Variants in DLC1 observed in about 807,000 individuals in gnomAD.
DLC1 encodes the protein DLC1 Rho GTPase activating protein, also known as rho GTPase-activating protein 7.
In DLC1, 54 loss-of-function variants were observed where a neutral mutation model predicts 140.3. The observed-to-expected ratio is 0.38, with a 90% CI of 0.31 to 0.48. DLC1 has a LOEUF of 0.48. DLC1 is among the 20% of genes least tolerant of loss of function. The probability of loss-of-function intolerance (pLI) is 0.96; values close to 1 mark genes in which losing one functional copy is unlikely to be tolerated. For synonymous variants in DLC1, 986 were observed against 728.1 expected (o/e 1.35, Z -5.70); for missense variants, 2,536 against 1,907.0 (o/e 1.33, Z -6.14).
chr8:13,092,951 T>C, intron 12 of DLC1, 126 bp from the exon 13 acceptor site: 1 of 1,021,924 alleles, frequency 9.8e-7, no homozygotes, highest in South Asian at 1.6e-5. Flanking sequence ...TTGTAGAAAG[T>C]GCACTAGAGG....
At chr8:13,453,426 G>GTA (rs1185667826) in intron 2 of DLC1, among the ~76,000 whole-genome samples, 267 of 12,046 alleles carry the variant, frequency 0.022, 7 homozygotes, top group South Asian at 0.077. Context: ...ATATATATGT[G>GTA]TATATATATA....
At chr8:13,278,614 G>C (rs1428353602) in intron 5 of DLC1, among the ~76,000 whole-genome samples, 1 of 152,156 alleles carries the variant, frequency 6.6e-6, no homozygotes, top group Non-Finnish European at 1.5e-5. Context: ...CTCCTCCTAG[G>C]CACTGATCTC....
At chr8:13,321,622 G>T (rs541649406) in intron 4 of DLC1, among the ~76,000 whole-genome samples, 9 of 147,154 alleles carry the variant, frequency 6.1e-5, no homozygotes, top group African/African-American at 2.2e-4. Context: ...CCAATGTAAT[G>T]AAGCCTTGTC....
chr8:13,485,290 G>T (rs1323492416), intron 2 of DLC1, among the ~76,000 whole-genome samples: 9 of 152,020 alleles, frequency 5.9e-5, no homozygotes, highest in Admixed American at 5.9e-4. Context: ...CACAATACTT[G>T]GTTTTATTCA....
chr8:13,569,736 T>C (rs1291039875), intron 1 of DLC1, among the ~76,000 whole-genome samples: 6 of 152,230 alleles, frequency 3.9e-5, no homozygotes, highest in Non-Finnish European at 7.3e-5. Context: ...ACTTATTTAT[T>C]ATTGAGACAG....
chr8:13,143,783 G>T (rs1220665505), intron 5 of DLC1, among the ~76,000 whole-genome samples: 1 of 146,826 alleles, frequency 6.8e-6, no homozygotes, highest in Non-Finnish European at 1.5e-5. Flanking sequence ...TTGCCCTGAG[G>T]CCCTGATGTT....
intron 2 of DLC1, among the ~76,000 whole-genome samples, chr8:13,449,834 G>A (rs1192717609): frequency 6.6e-6 from 1 of 151,936 alleles, no homozygotes; most frequent in Non-Finnish European, 1.5e-5. Context: ...AAAATCCTGT[G>A]TTTCCATTTT....
intron 5 of DLC1, among the ~76,000 whole-genome samples, chr8:13,244,712 G>T (rs1829687722): frequency 6.6e-6 from 1 of 152,044 alleles, no homozygotes; most frequent in African/African-American, 2.4e-5. Context: ...TTCTTCATCT[G>T]ATGGACTCTC....
chr8:13,293,216 C>T (rs553197237), intron 5 of DLC1, among the ~76,000 whole-genome samples: 27 of 152,060 alleles, frequency 1.8e-4, no homozygotes, highest in South Asian at 6.3e-4. Context: ...GGCAACAGAG[C>T]GTGAACCTGT....
rs890016188 is a variant in DLC1, at chr8:13,478,957, A to G, written c.1023+20092T>C. Reference sequence around the variant, plus strand: ...TCAAATGTCAGTTTTCTTCTGGTCTACTTGGGTCTATGCATAGCATTTGAG... The same window carrying G: ...TCAAATGTCAGTTTTCTTCTGGTCTGCTTGGGTCTATGCATAGCATTTGAG... On this transcript the variant is annotated intron_variant, in intron 2 of 17. Transcript: ENST00000276297. Among the ~76,000 whole-genome samples, 4 of 152,198 alleles carry G rather than the reference A, an allele frequency of 2.6e-5. No individual in the cohort carries two copies. In the South Asian group the frequency reaches 8.3e-4, roughly 32 times the overall value.
chr8:13,140,223 T>C (rs545187150), intron 5 of DLC1, among the ~76,000 whole-genome samples: 1 of 152,196 alleles, frequency 6.6e-6, no homozygotes, highest in South Asian at 2.1e-4. Context: ...AGTTTATATC[T>C]ATATCTATAT....
intron 2 of DLC1, among the ~76,000 whole-genome samples, chr8:13,426,745 G>C (rs1056053418): frequency 6.6e-6 from 1 of 151,818 alleles, no homozygotes; most frequent in African/African-American, 2.4e-5. Context: ...TTTCCTCAGG[G>C]TTCCTGTGTT....
chr8:13,155,333 A>G (rs1824173681), intron 5 of DLC1, among the ~76,000 whole-genome samples: 1 of 150,662 alleles, frequency 6.6e-6, no homozygotes, highest in East Asian at 2.0e-4. Context: ...TGGTGAGCAC[A>G]TGACAAAACC....
chr8:13,524,698 A>G (rs1802867241), intron 1 of DLC1, among the ~76,000 whole-genome samples: 2 of 140,272 alleles, frequency 1.4e-5, no homozygotes, highest in Admixed American at 1.4e-4. Context: ...CAGGTAGTAT[A>G]TTTCTGTTGT....
intron 7 of DLC1, among the ~76,000 whole-genome samples, chr8:13,103,371 T>C (rs1819270423): frequency 6.6e-6 from 1 of 151,844 alleles, no homozygotes; most frequent in African/African-American, 2.4e-5. Flanking sequence ...CCTTTATGTT[T>C]TGTAAGTTTT....
intron 1 of DLC1, among the ~76,000 whole-genome samples, chr8:13,599,305 A>G (rs1370711549): frequency 1.3e-5 from 2 of 152,114 alleles, no homozygotes; most frequent in Middle Eastern, 3.4e-3. Context: ...GAACATTTGG[A>G]TAAAATGCAT....
At chr8:13,125,335 C>T (rs1428923795) in intron 5 of DLC1, among the ~76,000 whole-genome samples, 1 of 152,210 alleles carries the variant, frequency 6.6e-6, no homozygotes, top group Non-Finnish European at 1.5e-5. Flanking sequence ...GTATTCATAT[C>T]ATAGACAACA....
At chr8:13,342,646 C>G (rs1452826389) in intron 4 of DLC1, 3 of 152,212 alleles carry the variant, frequency 2.0e-5, no homozygotes, top group Non-Finnish European at 4.4e-5. Context: ...GGACTAAAGA[C>G]TGCAAGATCA....
chr8:13,091,213 C>A, intron 14 of DLC1, 105 bp downstream of exon 14: 1 of 968,604 alleles, frequency 1.0e-6, no homozygotes, highest in Non-Finnish European at 1.6e-6. Context: ...CCGTCTCCAG[C>A]TGTGGAAAAG....
Sources: gnomAD v4.1 joint callset for allele counts (sites outside exome capture counted in the v4.1 genomes callset) on GRCh38, gnomAD v4.1.1 for gene constraint, MANE v1.5 for transcripts, NCBI Gene and HGNC (gene_info 2026-07-23, HGNC 2026-07-21) for gene names.